FRMD3: variants seen among roughly 807,000 people sequenced by gnomAD.
FRMD3 encodes FERM domain-containing protein 3.
FRMD3 carries 33 observed loss-of-function variants against 70.2 expected under a neutral mutation model. That is an observed-to-expected ratio of 0.47 (90% CI 0.36 to 0.63). The LOEUF (loss-of-function observed/expected upper bound fraction) is 0.63, where lower values mean the gene tolerates loss of function less well. Ranked by LOEUF, FRMD3 falls within the 20% of genes least tolerant of loss-of-function variation. The pLI, the probability that FRMD3 is intolerant of heterozygous loss-of-function variation, is 0.00. For missense variants in FRMD3, 632 were observed against 711.4 expected (o/e 0.89, Z 1.27); for synonymous variants, 279 against 255.9 (o/e 1.09, Z -0.86).
intron 12 of FRMD3, among the ~76,000 whole-genome samples, chr9:83,290,995 T>A (rs1279087917): frequency 6.6e-6 from 1 of 151,860 alleles, no homozygotes; most frequent in African/African-American, 2.4e-5. Flanking sequence ...GCATGCTAGG[T>A]GACAGCCTGG....
chr9:83,312,712 C>T (rs1272062447), intron 7 of FRMD3, among the ~76,000 whole-genome samples: 1 of 152,158 alleles, frequency 6.6e-6, no homozygotes, highest in East Asian at 1.9e-4. Context: ...ACATTGGAAA[C>T]ACCTGGGTAG....
chr9:83,528,296 G>GACACAC lies in FRMD3; in HGVS notation c.147+9783_147+9788dup, dbSNP rs35727605. On this transcript the variant is annotated intron_variant, in intron 1 of 13. Transcript: ENST00000304195. ...TCTTAATATTTTGAATATAAACGCA[G>GACACAC]ACACACACACACACACACACACACG... Among the ~76,000 whole-genome samples the GACACAC allele has an allele frequency of 7.2e-4, 107 of 149,216 alleles. 1 individual carries two copies. The highest frequency in any genetic ancestry group is 2.1e-3 in the Admixed American group (31 of 14,972).
rs75802905 is a variant in FRMD3, at chr9:83,278,616, C to T, written c.1195+11987G>A. Among the ~76,000 whole-genome samples the T allele has an allele frequency of 6.4e-3, 968 of 152,300 alleles. 10 individuals carry two copies. The highest frequency in any genetic ancestry group is 0.021 in the African/African-American group (858 of 41,538). ...TTACAAGTCTGACTCTACTAAGAGC[C>T]TGTTCTGGAAAGAGAACATGGCCCC... On this transcript the variant is annotated intron_variant, in intron 13 of 13. Coordinates refer to ENST00000304195, the MANE Select transcript of FRMD3 (RefSeq NM_174938.6).
intron 1 of FRMD3, among the ~76,000 whole-genome samples, chr9:83,395,247 T>C (rs1240974835): frequency 6.6e-6 from 1 of 150,504 alleles, no homozygotes; most frequent in Non-Finnish European, 1.5e-5. Flanking sequence ...GAATAGTATT[T>C]GCCTCCCAGA....
chr9:83,315,163 G>A (rs1269383800), intron 6 of FRMD3, among the ~76,000 whole-genome samples: 1 of 151,852 alleles, frequency 6.6e-6, no homozygotes, highest in Non-Finnish European at 1.5e-5. Flanking sequence ...TTATCCCTCT[G>A]AGGGTACCAC....
chr9:83,507,614 G>A (rs1829215955), intron 1 of FRMD3, among the ~76,000 whole-genome samples: 2 of 146,362 alleles, frequency 1.4e-5, no homozygotes, highest in Admixed American at 6.9e-5. Context: ...AGCTTGCAGT[G>A]AGCCATGATC....
chr9:83,490,097 G>T (rs990203880), intron 1 of FRMD3, among the ~76,000 whole-genome samples: 3 of 152,024 alleles, frequency 2.0e-5, no homozygotes, highest in Admixed American at 6.6e-5. Flanking sequence ...TGCTAGTTGT[G>T]CCTTCCCTCA....
At chr9:83,463,470 T>C (rs1348418360) in intron 1 of FRMD3, among the ~76,000 whole-genome samples, 2 of 151,822 alleles carry the variant, frequency 1.3e-5, no homozygotes, top group Non-Finnish European at 2.9e-5. Context: ...AGTAAAAGGG[T>C]GGAAAGCCCC....
At chr9:83,388,456 G>A (rs985067042) in intron 2 of FRMD3, among the ~76,000 whole-genome samples, 3 of 152,194 alleles carry the variant, frequency 2.0e-5, no homozygotes, top group African/African-American at 4.8e-5. Flanking sequence ...AGACCCAAGT[G>A]TGTACTGAGC....
intron 1 of FRMD3, among the ~76,000 whole-genome samples, chr9:83,536,929 C>CT (rs1300041953): frequency 4.3e-5 from 2 of 46,268 alleles, no homozygotes; most frequent in African/African-American, 1.3e-4. Flanking sequence ...CTGTATTACA[C>CT]TAAAAAAAAA....
chr9:83,504,950 C>A (rs865949597), intron 1 of FRMD3, among the ~76,000 whole-genome samples: 3 of 152,114 alleles, frequency 2.0e-5, no homozygotes, highest in African/African-American at 7.2e-5. Context: ...CAGATTGGGT[C>A]AGCTCACATC....
At chr9:83,526,523 T>C (rs1829686708) in intron 1 of FRMD3, among the ~76,000 whole-genome samples, 1 of 152,196 alleles carries the variant, frequency 6.6e-6, no homozygotes, top group South Asian at 2.1e-4. Context: ...TACTTCCACT[T>C]GTCCTTTAAT....
chr9:83,247,659 T>A lies in FRMD3; in HGVS notation c.*259A>T. On this transcript the variant is annotated 3_prime_UTR_variant, in exon 14 of 14. Transcript: ENST00000304195. ...ATTATGATATAATAGATGAAGGGTA[T>A]GTCTACACTATAATAAAAAATAAAC... 11 of 1,159,866 alleles carry A rather than the reference T, an allele frequency of 9.5e-6. No homozygotes were observed. The highest frequency in any genetic ancestry group is 1.2e-5 in the Non-Finnish European group (11 of 923,512). The allele number at this position is 1,159,866 out of a possible 1,614,324, so 71.8% of individuals were successfully genotyped here. A position where few individuals can be genotyped will look rare whatever the true frequency, so the allele number is the denominator to read the frequency against.
chr9:83,510,972 C>G (rs1829325395), intron 1 of FRMD3, among the ~76,000 whole-genome samples: 1 of 152,154 alleles, frequency 6.6e-6, no homozygotes, highest in Admixed American at 6.5e-5. Context: ...AATATACTAA[C>G]CACCGTGGAA....
In FRMD3 at chr9:83,379,661, C is replaced by T. The variant is rs575461262; in HGVS notation, c.253-6706G>A. 2.0e-5 allele frequency among the ~76,000 whole-genome samples: 3 copies of T among 152,292 alleles called. No homozygotes were observed. In the East Asian group the frequency reaches 5.8e-4, roughly 29 times the overall value. ...ACCAGGAAGGCATCTGCAGCAGATACTGTCAAGCCCCAGCAGCCTGACGCT... is the reference window on the plus strand; with the variant it reads ...ACCAGGAAGGCATCTGCAGCAGATATTGTCAAGCCCCAGCAGCCTGACGCT... On this transcript the variant is annotated intron_variant, in intron 2 of 13. Coordinates refer to ENST00000304195, the MANE Select transcript of FRMD3 (RefSeq NM_174938.6).
intron 1 of FRMD3, among the ~76,000 whole-genome samples, chr9:83,501,742 CTGTT>C (rs1224029543): frequency 6.6e-6 from 1 of 152,180 alleles, no homozygotes; most frequent in Admixed American, 6.5e-5. Flanking sequence ...ACCACATCTC[CTGTT>C]TGTTCTTGAG....
intron 3 of FRMD3, among the ~76,000 whole-genome samples, chr9:83,353,159 T>A (rs1192332006): frequency 6.6e-6 from 1 of 151,580 alleles, no homozygotes; most frequent in African/African-American, 2.4e-5. Context: ...AAAAGAAGAG[T>A]GTCCCTGTAA....
intron 1 of FRMD3, among the ~76,000 whole-genome samples, chr9:83,440,224 TC>T (rs751569899): frequency 2.1e-4 from 32 of 152,332 alleles, no homozygotes; most frequent in Non-Finnish European, 4.0e-4. Context: ...AATTCTGAAA[TC>T]CAAGTCATGT....
the FRMD3 span, among the ~76,000 whole-genome samples, chr9:83,551,053 C>A: frequency 1.6e-4 from 25 of 152,232 alleles, no homozygotes; most frequent in East Asian, 4.0e-3. Context: ...TTCTCTTGTG[C>A]TGGTTTTCAA....
Sources: allele counts gnomAD v4.1 joint callset (sites outside exome capture counted in the v4.1 genomes callset), GRCh38; gene constraint gnomAD v4.1.1; transcripts MANE v1.5; gene names NCBI Gene and HGNC (gene_info 2026-07-23, HGNC 2026-07-21).